The following ZNF697 variants were observed in gnomAD, a reference collection of about 807,000 sequenced individuals.
The protein encoded by ZNF697 is zinc finger protein 697.
ZNF697 carries 23 observed loss-of-function variants against 32.4 expected under a neutral mutation model. The observed-to-expected ratio is 0.71, with a 90% CI of 0.51 to 1.01. The LOEUF (loss-of-function observed/expected upper bound fraction) is 1.01. Ranked by LOEUF, ZNF697 falls within the 50% of genes least tolerant of loss-of-function variation. ZNF697 has a pLI of 0.00. For synonymous variants in ZNF697, 418 were observed against 337.2 expected (o/e 1.24, Z -2.62); for missense variants, 930 against 794.0 (o/e 1.17, Z -2.06).
intron 1 of ZNF697, among the ~76,000 whole-genome samples, chr1:119,642,777 T>G (rs1649111775): frequency 6.6e-6 from 1 of 152,216 alleles, no homozygotes; most frequent in African/African-American, 2.4e-5. Flanking sequence ...CTAATGAAAT[T>G]TCTATTCTAC....
At chr1:119,636,036 G>C (rs1292301107) in intron 1 of ZNF697, among the ~76,000 whole-genome samples, 1 of 152,158 alleles carries the variant, frequency 6.6e-6, no homozygotes, top group African/African-American at 2.4e-5. Context: ...CCTCCAGGAA[G>C]TGATGCATCT....
At chr1:119,633,417 T>G (rs1189927374) in intron 1 of ZNF697, among the ~76,000 whole-genome samples, 4 of 147,922 alleles carry the variant, frequency 2.7e-5, no homozygotes, top group South Asian at 2.1e-4. Flanking sequence ...GAGAGAGAGA[T>G]TGATTTATCA....
At chr1:119,640,858 G>T (rs1017535405) in intron 1 of ZNF697, among the ~76,000 whole-genome samples, 1 of 152,158 alleles carries the variant, frequency 6.6e-6, no homozygotes, top group African/African-American at 2.4e-5. Context: ...ATTAAGAGTG[G>T]CTATTCAGAC....
chr1:119,627,022 G>A (rs1002693859), intron 1 of ZNF697, among the ~76,000 whole-genome samples: 5 of 152,190 alleles, frequency 3.3e-5, no homozygotes, highest in African/African-American at 4.8e-5. Context: ...TTTTGTAGAC[G>A]TCAGGATAAC....
chr1:119,623,984 T>C lies in ZNF697; in HGVS notation c.359A>G (p.Asp120Gly), dbSNP rs2101079153. 1 of 1,611,694 alleles carries C rather than the reference T, an allele frequency of 6.2e-7. No homozygotes were observed. Among genetic ancestry groups the C allele is most frequent in the Non-Finnish European group, 8.5e-7 (1 of 1,179,056 alleles). The part of the protein sequence containing the change: ...DSISRSLRED[D>G]DESAGENRLE... ...CCGGTTCTCCCCAGCACTCTCGTCG[T>C]CGTCCTCCCGGAGGCTCCGGGATAT... Residue 120 changes from aspartate to glycine, a missense_variant, in exon 3 of 3, where the codon GAC becomes GGC. Asp to Gly is a moderately conservative substitution (Grantham distance 94). Transcript: ENST00000421812.
Position 119,620,451 on chromosome 1 carries a change from TA to T in ZNF697, c.*2253del, listed in dbSNP as rs953167019. 6.6e-6 allele frequency: 1 copy of T among 152,502 alleles called. No homozygotes were observed. Among genetic ancestry groups the T allele is most frequent in the Non-Finnish European group, 1.5e-5 (1 of 68,008 alleles). 9.4% of individuals were successfully genotyped at this position (152,502 alleles called of 1,614,324 possible). A position where few individuals can be genotyped will look rare whatever the true frequency, so the allele number is the denominator to read the frequency against. ...TCATAGGCACAGACTTGAGAAAACT[TA>T]AAACAGCTGGAAGAGGTAGATGTAC... On this transcript the variant is annotated 3_prime_UTR_variant, in exon 3 of 3. Coordinates refer to ENST00000421812, the MANE Select transcript of ZNF697 (RefSeq NM_001080470.2).
chr1:119,626,177 G>A lies in ZNF697; in HGVS notation c.-37-40C>T, dbSNP rs970106227. Reference sequence around the variant, plus strand: ...CACAAAGAAAGGTCACGTCAGTCCGGTCTCATCCCCTCACCACGCCCAGCC... The same window carrying A: ...CACAAAGAAAGGTCACGTCAGTCCGATCTCATCCCCTCACCACGCCCAGCC... On this transcript the variant is annotated intron_variant, in intron 1 of 2. Coordinates refer to ENST00000421812, the MANE Select transcript of ZNF697 (RefSeq NM_001080470.2). 17 of 1,582,094 alleles carry A rather than the reference G, an allele frequency of 1.1e-5. No individual in the cohort carries two copies. The African/African-American group carries it at 2.2e-4, about 20-fold the overall frequency.
intron 1 of ZNF697, 94 bp from the exon 2 acceptor site, chr1:119,626,231 G>C: frequency 1.4e-6 from 2 of 1,466,364 alleles, no homozygotes; most frequent in Non-Finnish European, 1.8e-6. Flanking sequence ...AAAATGTATG[G>C]AGTTCCAAGC....
In ZNF697 at chr1:119,621,432, A is replaced by G. The variant is rs1195216347; in HGVS notation, c.*1273T>C. On this transcript the variant is annotated 3_prime_UTR_variant, in exon 3 of 3. Coordinates refer to ENST00000421812, the MANE Select transcript of ZNF697 (RefSeq NM_001080470.2). Reference sequence around the variant, plus strand: ...AGCATAAAGCACTTTGCAAATATCAAAGTGCTATTTTGGCATCTATATAAC... The same window carrying G: ...AGCATAAAGCACTTTGCAAATATCAGAGTGCTATTTTGGCATCTATATAAC... 1.3e-5 allele frequency: 2 copies of G among 152,648 alleles called. No homozygotes were observed. The highest frequency in any genetic ancestry group is 6.5e-5 in the Admixed American group (1 of 15,288). 9.5% of individuals were successfully genotyped at this position (152,648 alleles called of 1,614,324 possible).
At chr1:119,634,955 C>T (rs1013855841) in intron 1 of ZNF697, among the ~76,000 whole-genome samples, 3 of 152,120 alleles carry the variant, frequency 2.0e-5, no homozygotes, top group African/African-American at 7.2e-5. Flanking sequence ...GAAATATTTA[C>T]AAGTGAAATG....
intron 2 of ZNF697, 27 bp from the exon 3 acceptor site, chr1:119,624,143 G>T: frequency 1.3e-6 from 2 of 1,531,146 alleles, no homozygotes; most frequent in South Asian, 2.6e-5. Flanking sequence ...TGGCAGTGGG[G>T]GATTACTATA....
rs587618396 is a variant in ZNF697, at chr1:119,623,395, G to C, written c.948C>G (p.Pro316=). The change falls in exon 3 of 3, where the codon CCC becomes CCG. Residue 316 remains proline, a synonymous_variant. Coordinates refer to ENST00000421812, the MANE Select transcript of ZNF697 (RefSeq NM_001080470.2). ...KHRRLHTGEK[P]YPCPECGEAF... ...CCTCGCCGCACTCGGGGCACGGGTA[G>C]GGCTTCTCGCCCGTGTGCAGGCGCC... The C allele has an allele frequency of 6.0e-6, 9 of 1,511,166 alleles. No individual in the cohort carries two copies. The African/African-American group carries it at 1.0e-4, about 17-fold the overall frequency. The allele number at this position is 1,511,166 out of a possible 1,614,324, so 93.6% of individuals were successfully genotyped here.
At chr1:119,631,599 G>A (rs1175314955) in intron 1 of ZNF697, among the ~76,000 whole-genome samples, 1 of 151,772 alleles carries the variant, frequency 6.6e-6, no homozygotes, top group Admixed American at 6.6e-5. Flanking sequence ...CTTGGGCCCC[G>A]CTTGGGCCCC....
chr1:119,631,681 G>A (rs587663706), intron 1 of ZNF697, among the ~76,000 whole-genome samples: 10 of 152,314 alleles, frequency 6.6e-5, no homozygotes, highest in Non-Finnish European at 1.2e-4. Flanking sequence ...GCCAGGTGGC[G>A]GGGAGCCAGG....
At chr1:119,631,958 A>G (rs952305204) in intron 1 of ZNF697, among the ~76,000 whole-genome samples, 5 of 152,212 alleles carry the variant, frequency 3.3e-5, no homozygotes, top group Non-Finnish European at 7.3e-5. Flanking sequence ...GATTGGGTAG[A>G]GCGCTGGAAA....
At chr1:119,633,374 G>GTA (rs1648834479) in intron 1 of ZNF697, among the ~76,000 whole-genome samples, 1 of 151,902 alleles carries the variant, frequency 6.6e-6, no homozygotes, top group Admixed American at 6.6e-5. Flanking sequence ...GTGTGTGTGT[G>GTA]TGTGTGTGTG....
At position 119,623,216 on chromosome 1, in the gene ZNF697, G is replaced by A. The variant is rs769270557; in HGVS notation, c.1127C>T (p.Thr376Met). Reference sequence around the variant, plus strand: ...GCCACAGCCGTGCGGCTTCTCGCCCGTGTGGATGCGCTGGTGGTTGGCCAG... The same window carrying A: ...GCCACAGCCGTGCGGCTTCTCGCCCATGTGGATGCGCTGGTGGTTGGCCAG... ...SHLANHQRIH[T>M]GEKPHGCGEC... Residue 376 changes from threonine (T) to methionine (M), a missense_variant, in exon 3 of 3, where the codon ACG (threonine) becomes ATG (methionine). Physicochemically the swap from Thr to Met is moderately conservative, Grantham distance 81. Coordinates refer to ENST00000421812, the MANE Select transcript of ZNF697 (RefSeq NM_001080470.2). 6 of 1,572,828 alleles carry A rather than the reference G, an allele frequency of 3.8e-6. No homozygotes were observed. The highest frequency in any genetic ancestry group is 2.3e-5 in the East Asian group (1 of 43,342).
chr1:119,623,092 G>A lies in ZNF697; in HGVS notation c.1251C>T (p.Thr417=), dbSNP rs772832153. 6.3e-7 allele frequency: 1 copy of A among 1,588,038 alleles called. No individual in the cohort carries two copies. The highest frequency in any genetic ancestry group is 8.6e-7 in the Non-Finnish European group (1 of 1,167,440). ...TGAAGAGGTGCGAGCTGACGCTGAAGGTCTCGCCGCACTCGGAGCACATGT... is the reference window on the plus strand; with the variant it reads ...TGAAGAGGTGCGAGCTGACGCTGAAAGTCTCGCCGCACTCGGAGCACATGT... ...KPYMCSECGE[T]FSVSSHLFTH... is the part of the protein sequence containing the mutation. Residue 417 remains threonine, a synonymous_variant, in exon 3 of 3, where the codon ACC becomes ACT. Coordinates refer to ENST00000421812, the MANE Select transcript of ZNF697 (RefSeq NM_001080470.2).
chr1:119,633,783 C>T (rs1057165506), intron 1 of ZNF697, among the ~76,000 whole-genome samples: 4 of 152,176 alleles, frequency 2.6e-5, no homozygotes, highest in African/African-American at 9.6e-5. Flanking sequence ...ATCATATTTA[C>T]GCATTTAAAC....
Sources: allele counts gnomAD v4.1 joint callset (sites outside exome capture counted in the v4.1 genomes callset), GRCh38; gene constraint gnomAD v4.1.1; transcripts MANE v1.5; gene names NCBI Gene and HGNC (gene_info 2026-07-23, HGNC 2026-07-21).